PEPD: variants seen among roughly 807,000 people sequenced by gnomAD.
PEPD encodes the protein xaa-Pro dipeptidase.
Under a neutral mutation model 60.7 loss-of-function variants are expected in PEPD, and 53 were observed. The ratio of observed to expected loss-of-function variants is 0.87; its 90% CI spans 0.70 to 1.10. The LOEUF is 1.10. Ranked by LOEUF, PEPD falls within the 50% of genes least tolerant of loss-of-function variation. PEPD has a pLI of 0.00. For synonymous variants in PEPD, 267 were observed against 284.1 expected (o/e 0.94, Z 0.60); for missense variants, 711 against 711.9 (o/e 1.00, Z 0.01).
intron 9 of PEPD, among the ~76,000 whole-genome samples, chr19:33,447,688 G>A (rs1969617440): frequency 6.6e-6 from 1 of 152,210 alleles, no homozygotes; most frequent in Non-Finnish European, 1.5e-5. Context: ...GGTGGGGCCA[G>A]GCCAGTTTCC....
chr19:33,517,808 T>C (rs1412255177), intron 1 of PEPD, among the ~76,000 whole-genome samples: 1 of 148,290 alleles, frequency 6.7e-6, no homozygotes, highest in Non-Finnish European at 1.5e-5. Flanking sequence ...CTATTAAAAA[T>C]ACAAAAAAAT....
At chr19:33,408,178 T>C (rs1387044671) in intron 11 of PEPD, among the ~76,000 whole-genome samples, 1 of 152,202 alleles carries the variant, frequency 6.6e-6, no homozygotes, top group African/African-American at 2.4e-5. Context: ...AGGACACTTT[T>C]GGGTCGAAGA....
chr19:33,422,814 T>TA lies in PEPD; in HGVS notation c.672-9172_672-9171insT, dbSNP rs1249346173. On this transcript the variant is annotated intron_variant, in intron 9 of 14. Coordinates refer to ENST00000244137, the MANE Select transcript of PEPD (RefSeq NM_000285.4). ...CCTCTATCTATCCATCCATCCATCC[T>TA]TCTATATCTATCTATCTATCTATCC... Among the ~76,000 whole-genome samples the TA allele has an allele frequency of 6.6e-3, 496 of 75,178 alleles. 6 individuals are homozygous for TA. The highest frequency in any genetic ancestry group is 0.026 in the African/African-American group (456 of 17,852). The allele number at this position is 75,178 out of a possible 152,430, so 49.3% of individuals were successfully genotyped here.
In PEPD at chr19:33,453,317, A is replaced by AAATAAATAAATAAAT. The variant is rs1555762505; in HGVS notation, c.671+9677_671+9678insATTTATTTATTTATT. Among the ~76,000 whole-genome samples the AAATAAATAAATAAAT allele has an allele frequency of 1.7e-3, 252 of 148,752 alleles. 2 individuals carry two copies. The highest frequency in any genetic ancestry group is 6.2e-3 in the African/African-American group (247 of 40,076). The stretch of plus-strand genomic sequence containing the variant: ...CAGTAGAGCAAAACACTGTCATAAA[A>AAATAAATAAATAAAT]AAATAAATAAATAAATAAATAAATA... On this transcript the variant is annotated intron_variant, in intron 9 of 14. Transcript: ENST00000244137.
intron 4 of PEPD, 132 bp downstream of exon 4, chr19:33,500,806 C>G (rs529099697): frequency 3.4e-5 from 26 of 757,026 alleles, no homozygotes; most frequent in East Asian, 2.5e-5. Flanking sequence ...GCACCTGCGG[C>G]GCAGGGACTG....
At chr19:33,452,480 T>C (rs1192177387) in intron 9 of PEPD, among the ~76,000 whole-genome samples, 2 of 151,790 alleles carry the variant, frequency 1.3e-5, no homozygotes, top group African/African-American at 2.4e-5. Context: ...TGACCAACAG[T>C]AGAACTGAAA....
chr19:33,389,918 C>T (rs11880429), intron 13 of PEPD, among the ~76,000 whole-genome samples: 3,983 of 152,314 alleles, frequency 0.026, 162 homozygotes, highest in African/African-American at 0.09. Flanking sequence ...AGGGCTGGGC[C>T]GGGTGGAGCG....
rs1024901496 is a variant in PEPD, at chr19:33,467,018, A to G, written c.549-2956T>C. 3.5e-3 allele frequency among the ~76,000 whole-genome samples: 533 copies of G among 151,776 alleles called. 4 individuals are homozygous for G. Among genetic ancestry groups the G allele is most frequent in the South Asian group, 4.8e-3 (23 of 4,798 alleles). On this transcript the variant is annotated intron_variant, in intron 7 of 14. Transcript: ENST00000244137. ...TAAAAATACAAAAAATTAGCTGGGC[A>G]TGGTGGCGGGCGCCTGTAGTCCCAG...
intron 8 of PEPD, among the ~76,000 whole-genome samples, chr19:33,463,439 C>G (rs1370170386): frequency 1.3e-5 from 2 of 152,238 alleles, no homozygotes; most frequent in Non-Finnish European, 2.9e-5. Flanking sequence ...TCTCGTACAA[C>G]AGAGTACGCT....
At chr19:33,465,005 C>T (rs561623768) in intron 7 of PEPD, among the ~76,000 whole-genome samples, 20 of 152,280 alleles carry the variant, frequency 1.3e-4, no homozygotes, top group Admixed American at 7.8e-4. Context: ...CCCTTCCCAG[C>T]GGTGTGGCCA....
chr19:33,510,868 C>T (rs1308084524), intron 3 of PEPD, among the ~76,000 whole-genome samples, 160 bp downstream of exon 3: 1 of 152,164 alleles, frequency 6.6e-6, no homozygotes, highest in Non-Finnish European at 1.5e-5. Context: ...AGGGCTCTGG[C>T]GAGAGGCAGG....
rs1257355632 is a variant in PEPD, at chr19:33,464,078, A to G, written c.549-16T>C. The stretch of plus-strand genomic sequence containing the variant: ...AAACACTCGGCTTCAGAGACAGAAG[A>G]ACAAAGCAGCAAATCAGTGACTTTC... On this transcript the variant is annotated splice_polypyrimidine_tract_variant and intron_variant, in intron 7 of 14. Transcript: ENST00000244137. The G allele has an allele frequency of 6.3e-7, 1 of 1,599,164 alleles. No individual in the cohort carries two copies. The highest frequency in any genetic ancestry group is 8.6e-7 in the Non-Finnish European group (1 of 1,166,862).
At chr19:33,468,551 C>T (rs1285826141) in intron 7 of PEPD, among the ~76,000 whole-genome samples, 2 of 152,228 alleles carry the variant, frequency 1.3e-5, no homozygotes, top group African/African-American at 4.8e-5. Context: ...TGGTGGCTCC[C>T]CCACTCCCAT....
At chr19:33,466,631 C>T (rs1243713931) in intron 7 of PEPD, among the ~76,000 whole-genome samples, 1 of 151,946 alleles carries the variant, frequency 6.6e-6, no homozygotes, top group Non-Finnish European at 1.5e-5. Flanking sequence ...CATCACAATA[C>T]CCAGGTAAGA....
intron 4 of PEPD, among the ~76,000 whole-genome samples, chr19:33,496,247 G>A (rs1970600794): frequency 6.6e-6 from 1 of 152,134 alleles, no homozygotes; most frequent in Non-Finnish European, 1.5e-5. Context: ...TAACAAATGT[G>A]TGGGCTGATG....
At position 33,495,135 on chromosome 19, in the gene PEPD, C is replaced by CA. The variant is rs111705498; in HGVS notation, c.394-1799dup. Among the ~76,000 whole-genome samples, 145 of 147,556 alleles carry CA rather than the reference C, an allele frequency of 9.8e-4. 1 individual carries two copies. Among genetic ancestry groups the CA allele is most frequent in the African/African-American group, 2.6e-3 (104 of 40,036 alleles). On this transcript the variant is annotated intron_variant, in intron 4 of 14. Transcript: ENST00000244137. ...TGGGCAACAGAGCAAGACTCCGTCT[C>CA]AAAAAAAAAATTACATCTAATAATT...
rs760506591 is a variant in PEPD at position 33,493,304 on chromosome 19, C to T, written c.427G>A (p.Val143Ile). 4.3e-6 allele frequency: 7 copies of T among 1,613,366 alleles called. No individual in the cohort carries two copies. The Admixed American group carries it at 8.3e-5, about 19-fold the overall frequency. ...ASVLTSQKPS[V>I]LLTLRGVNTD... Reference sequence around the variant, plus strand: ...CAGCCACTTACCAAAGTGAGGAGGACAGAGGGCTTCTGTGACGTCAGGACG... The same window carrying T: ...CAGCCACTTACCAAAGTGAGGAGGATAGAGGGCTTCTGTGACGTCAGGACG... Residue 143 changes from valine to isoleucine, a missense_variant, in exon 5 of 15, where the codon GTC (valine) becomes ATC (isoleucine). Val to Ile is a conservative substitution (Grantham distance 29). Coordinates refer to ENST00000244137, the MANE Select transcript of PEPD (RefSeq NM_000285.4).
At chr19:33,484,388 A>G (rs1292016256) in intron 6 of PEPD, among the ~76,000 whole-genome samples, 1 of 152,250 alleles carries the variant, frequency 6.6e-6, no homozygotes, top group Non-Finnish European at 1.5e-5. Context: ...GCACATGCAC[A>G]CAAGCAGCAA....
At chr19:33,400,034 C>A (rs1196263652) in intron 12 of PEPD, among the ~76,000 whole-genome samples, 4 of 152,192 alleles carry the variant, frequency 2.6e-5, no homozygotes, top group African/African-American at 9.7e-5. Context: ...GACTCTGAAG[C>A]CTTGCGCTAC....
Sources: allele counts gnomAD v4.1 joint callset (sites outside exome capture counted in the v4.1 genomes callset), GRCh38; gene constraint gnomAD v4.1.1; transcripts MANE v1.5; gene names NCBI Gene and HGNC (gene_info 2026-07-23, HGNC 2026-07-21).